The following TMEM74 variants were observed in gnomAD, a reference collection of about 807,000 sequenced individuals.
TMEM74 encodes transmembrane protein 74.
A neutral mutation model predicts 18.1 loss-of-function variants in TMEM74; 13 were observed. The ratio of observed to expected loss-of-function variants is 0.72; its 90% CI spans 0.47 to 1.14. TMEM74 has a LOEUF of 1.14. Among genes scored for constraint, TMEM74 ranks in the 50% most tolerant of loss-of-function variants. TMEM74 has a pLI of 0.00. For missense variants in TMEM74, 372 were observed against 375.9 expected (o/e 0.99, Z 0.09); for synonymous variants, 159 against 146.6 (o/e 1.08, Z -0.61).
At chr8:108,620,023 T>A (rs553508695) in intron 2 of TMEM74, among the ~76,000 whole-genome samples, 1 of 152,264 alleles carries the variant, frequency 6.6e-6, no homozygotes, top group East Asian at 1.9e-4. Context: ...TGCATTAGTT[T>A]GTTGGAAAAT....
chr8:108,653,212 A>G (rs536181440), intron 2 of TMEM74: 111 of 158,904 alleles, frequency 7.0e-4, no homozygotes, highest in African/African-American at 2.6e-3. Flanking sequence ...GCTGGCCATC[A>G]ATCAAGTATT....
At chr8:108,700,308 G>A (rs1220812622) in intron 1 of TMEM74, among the ~76,000 whole-genome samples, 1 of 152,088 alleles carries the variant, frequency 6.6e-6, no homozygotes, top group Non-Finnish European at 1.5e-5. Context: ...ACTTAGAAGG[G>A]AAAGCTATTC....
intron 1 of TMEM74, among the ~76,000 whole-genome samples, chr8:108,741,275 G>A (rs1813797603): frequency 6.6e-6 from 1 of 152,154 alleles, no homozygotes; most frequent in Non-Finnish European, 1.5e-5. Flanking sequence ...GAACACGTAG[G>A]TGATTTTAAT....
At chr8:108,693,968 T>C (rs1019805428) in intron 1 of TMEM74, among the ~76,000 whole-genome samples, 2 of 152,252 alleles carry the variant, frequency 1.3e-5, no homozygotes, top group African/African-American at 4.8e-5. Flanking sequence ...TGCACATATA[T>C]TCTTTCAAAA....
chr8:108,735,404 A>T (rs999916782), intron 1 of TMEM74, among the ~76,000 whole-genome samples: 1 of 113,096 alleles, frequency 8.8e-6, no homozygotes, highest in Non-Finnish European at 1.7e-5. Flanking sequence ...CTAATAATCT[A>T]CTTTCTGTAT....
chr8:108,631,814 A>G (rs1334586075), intron 2 of TMEM74, among the ~76,000 whole-genome samples: 1 of 152,044 alleles, frequency 6.6e-6, no homozygotes, highest in Non-Finnish European at 1.5e-5. Flanking sequence ...GATGTTAGAA[A>G]ACATCAAATA....
At chr8:108,766,240 T>C (rs139631135) in intron 1 of TMEM74, among the ~76,000 whole-genome samples, 2,230 of 152,088 alleles carry the variant, frequency 0.015, 47 homozygotes, top group African/African-American at 0.051. Flanking sequence ...TCTTTCTTTC[T>C]CTCTCTGTCT....
chr8:108,688,555 G>A (rs529024301), intron 1 of TMEM74, among the ~76,000 whole-genome samples: 81 of 152,206 alleles, frequency 5.3e-4, no homozygotes, highest in Non-Finnish European at 9.0e-4. Context: ...AATGAAGTGG[G>A]GAGAGCAGGA....
At chr8:108,611,973 G>A (rs1812338591) in intron 2 of TMEM74, among the ~76,000 whole-genome samples, 1 of 152,178 alleles carries the variant, frequency 6.6e-6, no homozygotes. Flanking sequence ...CTTCTTCACA[G>A]GGCGGTAGGA....
intron 1 of TMEM74, among the ~76,000 whole-genome samples, chr8:108,713,007 C>T (rs1001336291): frequency 6.6e-6 from 1 of 152,042 alleles, no homozygotes; most frequent in African/African-American, 2.4e-5. Context: ...GGATTCTGCA[C>T]ACAGAAAAAA....
chr8:108,631,415 C>T lies in TMEM74; in HGVS notation n.265-22589G>A, dbSNP rs117407365. Among the ~76,000 whole-genome samples, 16 of 151,998 alleles carry T rather than the reference C, an allele frequency of 1.1e-4. No homozygotes were observed. In the East Asian group the frequency reaches 1.8e-3, roughly 17 times the overall value. On this transcript the variant is annotated intron_variant and non_coding_transcript_variant, in intron 2 of 3. Coordinates refer to the TMEM74 transcript ENST00000518838. ...AGAACTTTACCCTCCTTTAGCTTTC[C>T]GAGAATTTTTGAAGCATGGTTAGAA... is the stretch of plus-strand genomic sequence containing the variant.
At chr8:108,677,509 G>T (rs1228693738) in intron 1 of TMEM74, among the ~76,000 whole-genome samples, 1 of 151,364 alleles carries the variant, frequency 6.6e-6, no homozygotes, top group East Asian at 1.9e-4. Flanking sequence ...TTGATTTGGG[G>T]CTGAAGTCAG....
chr8:108,623,476 A>G (rs977892155), intron 2 of TMEM74, among the ~76,000 whole-genome samples: 2 of 152,078 alleles, frequency 1.3e-5, no homozygotes, highest in African/African-American at 2.4e-5. Flanking sequence ...TTAGGTGCAG[A>G]TAACAGTGTT....
intron 2 of TMEM74, among the ~76,000 whole-genome samples, chr8:108,616,171 C>A (rs1462434248): frequency 6.6e-6 from 1 of 152,124 alleles, no homozygotes; most frequent in Non-Finnish European, 1.5e-5. Flanking sequence ...GTGCTCATGG[C>A]AGAGGGCCGT....
chr8:108,687,279 A>G (rs1813179837), intron 1 of TMEM74, among the ~76,000 whole-genome samples: 1 of 152,166 alleles, frequency 6.6e-6, no homozygotes, highest in African/African-American at 2.4e-5. Flanking sequence ...ATTAAAAATG[A>G]ATGAATTTCT....
intron 1 of TMEM74, among the ~76,000 whole-genome samples, chr8:108,662,546 A>G (rs1053041035): frequency 1.4e-4 from 21 of 152,164 alleles, no homozygotes; most frequent in African/African-American, 5.1e-4. Context: ...CCTGCTTATC[A>G]ATGTTTTTTG....
At position 108,651,515 on chromosome 8, in the gene TMEM74, C is replaced by T. The variant is rs1223861905; in HGVS notation, n.264+3778G>A. ...AAAGAAACACAAGATGGAATGAATG[C>T]CTAGGAAAGATAGGAGGCTGGAAGA... On this transcript the variant is annotated intron_variant and non_coding_transcript_variant, in intron 2 of 3. Transcript: ENST00000518838. Among the ~76,000 whole-genome samples, 8 of 151,832 alleles carry T rather than the reference C, an allele frequency of 5.3e-5. No homozygotes were observed. In the East Asian group the frequency reaches 1.5e-3, roughly 29 times the overall value.
chr8:108,629,013 T>C (rs1400008495), intron 2 of TMEM74, among the ~76,000 whole-genome samples: 1 of 152,120 alleles, frequency 6.6e-6, no homozygotes, highest in East Asian at 1.9e-4. Context: ...TTGTTTAAGT[T>C]TCTTGTACAC....
At chr8:108,754,639 A>ATAGG (rs71564017) in intron 1 of TMEM74, among the ~76,000 whole-genome samples, 9 of 147,616 alleles carry the variant, frequency 6.1e-5, no homozygotes, top group South Asian at 4.3e-4. Flanking sequence ...AATAGGATGG[A>ATAGG]TAGGTAGGTA....
Sources: allele counts gnomAD v4.1 joint callset (sites outside exome capture counted in the v4.1 genomes callset), GRCh38; gene constraint gnomAD v4.1.1; transcripts MANE v1.5; gene names NCBI Gene and HGNC (gene_info 2026-07-23, HGNC 2026-07-21).